Variants in GALNT13 observed in about 807,000 individuals in gnomAD.
GALNT13 encodes polypeptide N-acetylgalactosaminyltransferase 13, also known as UDP-GalNAc:polypeptide N-acetylgalactosaminyltransferase 13.
GALNT13 carries 28 observed loss-of-function variants against 64.2 expected under a neutral mutation model. The observed-to-expected ratio is 0.44, with a 90% confidence interval of 0.32 to 0.60. The LOEUF (loss-of-function observed/expected upper bound fraction) is 0.60. GALNT13 is among the 20% of genes least tolerant of loss of function. The pLI, the probability that GALNT13 is intolerant of heterozygous loss-of-function variation, is 0.05. For missense variants in GALNT13, 577 were observed against 669.8 expected, an observed-to-expected ratio of 0.86 and a Z score of 1.53; for synonymous variants, 214 against 224.6, an observed-to-expected ratio of 0.95 and a Z score of 0.42.
the GALNT13 span, among the ~76,000 whole-genome samples, chr2:153,749,865 T>C: frequency 2.0e-5 from 3 of 151,970 alleles, no homozygotes; most frequent in African/African-American, 4.8e-5. Context: ...CAATACTATA[T>C]TGAATAAGAA....
chr2:153,142,270 C>G, the GALNT13 span, among the ~76,000 whole-genome samples: 31 of 152,044 alleles, frequency 2.0e-4, no homozygotes, highest in Non-Finnish European at 4.3e-4. Context: ...TGCTGGAATT[C>G]TGGCACCTTG....
At chr2:153,205,458 G>A in the GALNT13 span, among the ~76,000 whole-genome samples, 2 of 152,060 alleles carry the variant, frequency 1.3e-5, no homozygotes, top group East Asian at 1.9e-4. Context: ...CTCAAAAAAT[G>A]TTTGTTTAAT....
At chr2:154,128,120 G>T (rs1198063583) in intron 3 of GALNT13, among the ~76,000 whole-genome samples, 1 of 151,916 alleles carries the variant, frequency 6.6e-6, no homozygotes, top group Non-Finnish European at 1.5e-5. Flanking sequence ...GTTCTATATA[G>T]GTCTGATGAG....
intron 3 of GALNT13, among the ~76,000 whole-genome samples, chr2:154,009,161 C>A (rs1245140641): frequency 7.6e-6 from 1 of 131,958 alleles, no homozygotes; most frequent in Non-Finnish European, 1.6e-5. Flanking sequence ...GTCCTTTCTC[C>A]ATTGCTTCTT....
chr2:154,343,794 G>T (rs1358446570), intron 9 of GALNT13, among the ~76,000 whole-genome samples: 2 of 152,030 alleles, frequency 1.3e-5, no homozygotes, highest in Admixed American at 6.6e-5. Context: ...TTGGTTGAAT[G>T]AAATGAGGTA....
intron 4 of GALNT13, among the ~76,000 whole-genome samples, chr2:154,237,534 ATATG>A (rs1689258397): frequency 6.8e-6 from 1 of 147,522 alleles, no homozygotes; most frequent in Admixed American, 6.8e-5. Flanking sequence ...ATATATATAT[ATATG>A]TAATATTATA....
At chr2:154,205,574 T>C (rs1411718632) in intron 4 of GALNT13, among the ~76,000 whole-genome samples, 1 of 152,226 alleles carries the variant, frequency 6.6e-6, no homozygotes, top group Non-Finnish European at 1.5e-5. Context: ...TACCCAAGAC[T>C]GGACAACTTA....
the GALNT13 span, among the ~76,000 whole-genome samples, chr2:153,514,661 C>T: frequency 5.3e-5 from 8 of 152,208 alleles, no homozygotes; most frequent in Non-Finnish European, 1.2e-4. Flanking sequence ...ATTTCTTGCT[C>T]CAGTCCTCTT....
chr2:153,836,541 G>T, the GALNT13 span, among the ~76,000 whole-genome samples: 1 of 150,934 alleles, frequency 6.6e-6, no homozygotes, highest in East Asian at 1.9e-4. Context: ...AAGTTTTAGG[G>T]TACATGTGCA....
At chr2:154,333,732 C>T (rs1695289996) in intron 9 of GALNT13, among the ~76,000 whole-genome samples, 2 of 152,012 alleles carry the variant, frequency 1.3e-5, no homozygotes, top group African/African-American at 4.8e-5. Context: ...AAATGCACAG[C>T]TCTTGCTATT....
chr2:153,503,122 C>T, the GALNT13 span, among the ~76,000 whole-genome samples: 1 of 152,128 alleles, frequency 6.6e-6, no homozygotes, highest in Admixed American at 6.5e-5. Flanking sequence ...GTTGCATTTG[C>T]TTTGGGGTTC....
At chr2:153,456,483 T>C in the GALNT13 span, among the ~76,000 whole-genome samples, 266 of 152,242 alleles carry the variant, frequency 1.7e-3, no homozygotes, top group African/African-American at 6.0e-3. Flanking sequence ...TAAGGAAAGC[T>C]CAAGGGAGGG....
At chr2:154,219,430 C>G (rs1371705658) in intron 4 of GALNT13, among the ~76,000 whole-genome samples, 1 of 152,050 alleles carries the variant, frequency 6.6e-6, no homozygotes, top group Non-Finnish European at 1.5e-5. Context: ...TACCTTTCTC[C>G]ATTTTCACAA....
chr2:153,836,192 TAAGAC>T, the GALNT13 span, among the ~76,000 whole-genome samples: 1 of 152,094 alleles, frequency 6.6e-6, no homozygotes, highest in African/African-American at 2.4e-5. Flanking sequence ...ATTGATGTGA[TAAGAC>T]AAGGAGAAAA....
At chr2:154,252,913 A>ATT (rs911313255) in intron 7 of GALNT13, among the ~76,000 whole-genome samples, 7 of 152,128 alleles carry the variant, frequency 4.6e-5, no homozygotes, top group African/African-American at 1.7e-4. Flanking sequence ...TTGCAACTAA[A>ATT]TTTTTTGACC....
At chr2:153,679,097 A>C in the GALNT13 span, among the ~76,000 whole-genome samples, 2 of 151,940 alleles carry the variant, frequency 1.3e-5, no homozygotes, top group Non-Finnish European at 1.5e-5. Flanking sequence ...GCTAGTTTTC[A>C]GGGGTTCTTG....
In GALNT13 at chr2:154,414,094, A is replaced by G. The variant is rs116611035; in HGVS notation, c.1395+5012A>G. ...CAAGCCTATCAATTTCCTTGTAGCT[A>G]AAATCTGGTGATCACTAATATTTAC... On this transcript the variant is annotated intron_variant, in intron 11 of 12. Transcript: ENST00000392825. 6.4e-3 allele frequency among the ~76,000 whole-genome samples: 970 copies of G among 152,162 alleles called. 15 individuals are homozygous for G. The highest frequency in any genetic ancestry group is 0.043 in the South Asian group (207 of 4,832).
At chr2:153,082,600 TATATATATATATATATATACACAC>T in the GALNT13 span, among the ~76,000 whole-genome samples, 12 of 46,518 alleles carry the variant, frequency 2.6e-4, no homozygotes, top group Non-Finnish European at 3.7e-4. Flanking sequence ...TATATATATA[TATATATATATATATATATACACAC>T]ACACACACAC....
the GALNT13 span, among the ~76,000 whole-genome samples, chr2:153,401,366 T>C: frequency 0.016 from 2,490 of 152,074 alleles, 38 homozygotes; most frequent in Non-Finnish European, 0.023. Flanking sequence ...AATTTTGGAA[T>C]AGGTGTGGTG....
Sources: gnomAD v4.1 joint callset for allele counts (sites outside exome capture counted in the v4.1 genomes callset) on GRCh38, gnomAD v4.1.1 for gene constraint, MANE v1.5 for transcripts, NCBI Gene and HGNC (gene_info 2026-07-23, HGNC 2026-07-21) for gene names.